Variants in ATXN7L1 observed in about 807,000 individuals in gnomAD.
ATXN7L1 encodes the protein ataxin 7 like 1.
A neutral mutation model predicts 70.8 loss-of-function variants in ATXN7L1; 15 were observed. The observed-to-expected ratio is 0.21, with a 90% CI of 0.14 to 0.33. The LOEUF (loss-of-function observed/expected upper bound fraction) is 0.33, where lower values mean the gene tolerates loss of function less well. Among genes scored for constraint, ATXN7L1 ranks in the 10% least tolerant of loss-of-function variants. The pLI is 1.00. For missense variants in ATXN7L1, 975 were observed against 1,097.1 expected (o/e 0.89, Z 1.57); for synonymous variants, 440 against 445.1 (o/e 0.99, Z 0.14).
intron 3 of ATXN7L1, chr7:105,761,480 C>T (rs757030189): frequency 7.4e-6 from 12 of 1,613,750 alleles, no homozygotes; most frequent in Non-Finnish European, 1.0e-5. Context: ...AAAGTAAATG[C>T]TTTGTTGGCA....
intron 3 of ATXN7L1, among the ~76,000 whole-genome samples, chr7:105,774,337 G>C (rs1158481470): frequency 6.8e-6 from 1 of 147,808 alleles, no homozygotes; most frequent in African/African-American, 2.5e-5. Flanking sequence ...TAGGGTGTCA[G>C]TCAGAGCCAG....
chr7:105,739,617 T>C (rs559211726), intron 3 of ATXN7L1, among the ~76,000 whole-genome samples: 3 of 152,342 alleles, frequency 2.0e-5, no homozygotes, highest in Non-Finnish European at 2.9e-5. Context: ...TAATGAGCTA[T>C]GTGACCTTGG....
At chr7:105,665,436 G>A (rs998281471) in intron 3 of ATXN7L1, 148 bp from the exon 4 acceptor site, 13 of 647,400 alleles carry the variant, frequency 2.0e-5, no homozygotes, top group African/African-American at 9.1e-5. Context: ...CTGATGAGAC[G>A]ATTTGTCTTG....
intron 2 of ATXN7L1, among the ~76,000 whole-genome samples, chr7:105,868,169 T>C (rs1461189004): frequency 6.6e-6 from 1 of 152,152 alleles, no homozygotes; most frequent in African/African-American, 2.4e-5. Context: ...TTAGCTTACA[T>C]AAAATTTCCT....
intron 4 of ATXN7L1, among the ~76,000 whole-genome samples, chr7:105,650,083 A>AT (rs1799621081): frequency 6.6e-6 from 1 of 152,212 alleles, no homozygotes; most frequent in Non-Finnish European, 1.5e-5. Flanking sequence ...TCTTGGATGT[A>AT]TTTTGGCAGC....
At chr7:105,766,106 G>A (rs889898348) in intron 3 of ATXN7L1, among the ~76,000 whole-genome samples, 10 of 151,118 alleles carry the variant, frequency 6.6e-5, no homozygotes, top group African/African-American at 2.2e-4. Context: ...GAGCTCATTC[G>A]CCACACAGGC....
chr7:105,665,017 G>T, intron 4 of ATXN7L1, 49 bp downstream of exon 4: 1 of 1,476,646 alleles, frequency 6.8e-7, no homozygotes, highest in Non-Finnish European at 9.2e-7. Flanking sequence ...ATGGTGACAG[G>T]AACAGCAGGG....
At chr7:105,747,166 G>A (rs1348172427) in intron 3 of ATXN7L1, among the ~76,000 whole-genome samples, 1 of 152,190 alleles carries the variant, frequency 6.6e-6, no homozygotes, top group Non-Finnish European at 1.5e-5. Context: ...CAGGATGGGG[G>A]CTGTTCACCA....
intron 9 of ATXN7L1, among the ~76,000 whole-genome samples, chr7:105,616,452 C>A (rs759890744): frequency 1.3e-5 from 2 of 152,128 alleles, no homozygotes; most frequent in Non-Finnish European, 2.9e-5. Context: ...AACGTCAGAC[C>A]AAAGGGATCA....
At chr7:105,753,058 G>A (rs1799391920) in intron 3 of ATXN7L1, among the ~76,000 whole-genome samples, 1 of 152,254 alleles carries the variant, frequency 6.6e-6, no homozygotes, top group South Asian at 2.1e-4. Flanking sequence ...CAAGTGGTCA[G>A]TGAACACTTA....
In ATXN7L1 at chr7:105,622,064, C is replaced by G. The variant is rs574957755; in HGVS notation, c.1396-1743G>C. Among the ~76,000 whole-genome samples, 3 of 152,320 alleles carry G rather than the reference C, an allele frequency of 2.0e-5. No homozygotes were observed. The South Asian group carries it at 6.2e-4, about 32-fold the overall frequency. On this transcript the variant is annotated intron_variant, in intron 8 of 11. Coordinates refer to ENST00000419735, the MANE Select transcript of ATXN7L1 (RefSeq NM_020725.2). The stretch of plus-strand genomic sequence containing the variant: ...GCAGCATGTGGGAGCTGTTCCAGGT[C>G]TAGACATCATTTCTTCCCTCATCCC...
chr7:105,823,484 G>A (rs1810442486), intron 2 of ATXN7L1, among the ~76,000 whole-genome samples: 2 of 152,140 alleles, frequency 1.3e-5, no homozygotes, highest in South Asian at 4.1e-4. Flanking sequence ...GCATTCAAGA[G>A]CATGGTACTT....
At chr7:105,799,399 T>C (rs559002658) in intron 2 of ATXN7L1, among the ~76,000 whole-genome samples, 39 of 152,106 alleles carry the variant, frequency 2.6e-4, no homozygotes, top group Non-Finnish European at 3.5e-4. Flanking sequence ...GATTCAGAGA[T>C]GAAGAAGAGA....
intron 4 of ATXN7L1, among the ~76,000 whole-genome samples, chr7:105,647,542 G>A (rs756901138): frequency 6.6e-6 from 1 of 152,236 alleles, no homozygotes; most frequent in African/African-American, 2.4e-5. Context: ...AGCTATTTGG[G>A]AGGCTGAGGC....
intron 3 of ATXN7L1, among the ~76,000 whole-genome samples, chr7:105,706,692 G>T (rs1793217417): frequency 6.6e-6 from 1 of 152,216 alleles, no homozygotes; most frequent in African/African-American, 2.4e-5. Context: ...AGCGCCCAAG[G>T]ACAGGCTGCA....
At chr7:105,639,052 G>C (rs1194188887) in intron 6 of ATXN7L1, among the ~76,000 whole-genome samples, 3 of 152,104 alleles carry the variant, frequency 2.0e-5, no homozygotes, top group African/African-American at 7.2e-5. Context: ...AATGGCGGCC[G>C]CCTTGGGTCA....
rs752247008 is a variant in ATXN7L1 at position 105,638,356 on chromosome 7, G to C, written c.1199C>G (p.Pro400Arg). Residue 400 changes from proline (P) to arginine (R), a missense_variant, in exon 7 of 12, where the codon CCT (proline) becomes CGT (arginine). This residue lies in a region of ATXN7L1 where 635 missense variants were observed against 699.4 expected (regional missense o/e 0.91). Coordinates refer to ENST00000419735, the MANE Select transcript of ATXN7L1 (RefSeq NM_020725.2). ...CTATCGTCAAGGTGGTACTTACCTA[G>C]GAAGTACAGAGTTGGGTGGTCTGGA... is the stretch of plus-strand genomic sequence containing the variant. ...AKSRPPNSVL[P>R]RPSSANSISS... The C allele has an allele frequency of 3.9e-6, 6 of 1,550,792 alleles. No homozygotes were observed. The highest frequency in any genetic ancestry group is 5.2e-6 in the Non-Finnish European group (6 of 1,146,272).
At chr7:105,634,647 C>T (rs759669661) in intron 7 of ATXN7L1, among the ~76,000 whole-genome samples, 10 of 151,992 alleles carry the variant, frequency 6.6e-5, no homozygotes, top group South Asian at 2.1e-4. Flanking sequence ...TGAGCCACTG[C>T]GCCTGGCCTC....
At chr7:105,668,420 C>T (rs1298372540) in intron 3 of ATXN7L1, among the ~76,000 whole-genome samples, 3 of 152,044 alleles carry the variant, frequency 2.0e-5, no homozygotes, top group African/African-American at 7.2e-5. Context: ...TCTTTTGAGA[C>T]AGAGTCTTGC....
Sources: allele counts gnomAD v4.1 joint callset (sites outside exome capture counted in the v4.1 genomes callset), GRCh38; gene constraint gnomAD v4.1.1; regional missense constraint gnomAD v4.1.1; transcripts MANE v1.5; gene names NCBI Gene and HGNC (gene_info 2026-07-23, HGNC 2026-07-21).